Variants in MCMBP observed in about 807,000 individuals in gnomAD.
MCMBP encodes the protein minichromosome maintenance complex binding protein.
Under a neutral mutation model 81.3 loss-of-function variants are expected in MCMBP, and 31 were observed. The observed-to-expected ratio is 0.38, with a 90% CI of 0.29 to 0.51. The LOEUF (loss-of-function observed/expected upper bound fraction) is 0.51. Ranked by LOEUF, MCMBP falls within the 20% of genes least tolerant of loss-of-function variation. MCMBP has a pLI of 0.87. For missense variants in MCMBP, 645 were observed against 772.1 expected, an observed-to-expected ratio of 0.84 and a Z score of 1.95; for synonymous variants, 267 against 275.9, an observed-to-expected ratio of 0.97 and a Z score of 0.32.
intron 7 of MCMBP, among the ~76,000 whole-genome samples, chr10:119,848,455 T>C (rs1852696869): frequency 6.6e-6 from 1 of 151,696 alleles, no homozygotes; most frequent in African/African-American, 2.4e-5. Context: ...CTACAAAAAA[T>C]ATAAAGAACG....
In MCMBP at chr10:119,859,034, T is replaced by A. The variant is rs1853149836; in HGVS notation, c.285+7A>T. On this transcript the variant is annotated splice_region_variant and intron_variant, in intron 3 of 15. Coordinates refer to ENST00000369077, the MANE Select transcript of MCMBP (RefSeq NM_001256378.2). ...TACCACAAATTCATGAAAACAGCAA[T>A]ACTTACATGTGCTTTTGTGTTTTGG... 1 of 1,612,846 alleles carries A rather than the reference T, an allele frequency of 6.2e-7. No individual in the cohort carries two copies. The highest frequency in any genetic ancestry group is 1.7e-5 in the Admixed American group (1 of 59,768).
At chr10:119,842,425 C>A in intron 10 of MCMBP, 47 bp downstream of exon 10, 1 of 1,576,826 alleles carries the variant, frequency 6.3e-7, no homozygotes, top group Non-Finnish European at 8.6e-7. Context: ...TCTTCCACTT[C>A]CACACACACC....
At position 119,831,305 on chromosome 10, in the gene MCMBP, G is replaced by A; in HGVS notation, c.*169C>T. 1.8e-6 allele frequency: 1 copy of A among 564,090 alleles called. No individual in the cohort carries two copies. Among genetic ancestry groups the A allele is most frequent in the East Asian group, 3.4e-5 (1 of 29,026 alleles). The allele number at this position is 564,090 out of a possible 1,614,324, so 34.9% of individuals were successfully genotyped here. On this transcript the variant is annotated 3_prime_UTR_variant, in exon 16 of 16. Transcript: ENST00000369077. Reference sequence around the variant, plus strand: ...GCTCCATGAAATCAGTAAGGTAAAAGTCCTTACTGAATATCATATAAACAT... The same window carrying A: ...GCTCCATGAAATCAGTAAGGTAAAAATCCTTACTGAATATCATATAAACAT...
intron 11 of MCMBP, among the ~76,000 whole-genome samples, chr10:119,839,791 G>A (rs1293316950): frequency 1.3e-5 from 2 of 152,190 alleles, no homozygotes; most frequent in Non-Finnish European, 2.9e-5. Context: ...TTTTGGTCTA[G>A]TATCAAAGAC....
At chr10:119,848,932 G>C (rs1179005508) in intron 7 of MCMBP, among the ~76,000 whole-genome samples, 2 of 152,186 alleles carry the variant, frequency 1.3e-5, no homozygotes, top group East Asian at 1.9e-4. Context: ...GATGTTCTTC[G>C]ATTCTTTTAA....
intron 8 of MCMBP, among the ~76,000 whole-genome samples, chr10:119,847,127 C>G (rs965711781): frequency 6.6e-6 from 1 of 151,928 alleles, no homozygotes; most frequent in Non-Finnish European, 1.5e-5. Context: ...ACAAGCAGAA[C>G]GACACCTGTG....
At chr10:119,850,043 G>T (rs1179021596) in intron 6 of MCMBP, among the ~76,000 whole-genome samples, 3 of 152,142 alleles carry the variant, frequency 2.0e-5, no homozygotes, top group Non-Finnish European at 4.4e-5. Context: ...CAAACCAGTT[G>T]TTGGGGATAT....
intron 1 of MCMBP, among the ~76,000 whole-genome samples, chr10:119,867,774 G>A (rs140918093): frequency 8.3e-4 from 127 of 152,184 alleles, no homozygotes; most frequent in African/African-American, 3.0e-3. Context: ...CAGTCTCTTC[G>A]AATACCCAAC....
Position 119,836,883 on chromosome 10 carries a change from T to G in MCMBP, c.1542+13A>C, listed in dbSNP as rs939556807. On this transcript the variant is annotated intron_variant, in intron 13 of 15. Coordinates refer to ENST00000369077, the MANE Select transcript of MCMBP (RefSeq NM_001256378.2). Reference sequence around the variant, plus strand: ...ATGTCAACCTCCCTCCATTTAAAAATGACTCATCATACCGGGAGGAGTGAC... The same window carrying G: ...ATGTCAACCTCCCTCCATTTAAAAAGGACTCATCATACCGGGAGGAGTGAC... 1 of 1,560,660 alleles carries G rather than the reference T, an allele frequency of 6.4e-7. No homozygotes were observed. The highest frequency in any genetic ancestry group is 8.7e-7 in the Non-Finnish European group (1 of 1,147,732).
At chr10:119,859,287 C>T (rs1052460659) in intron 2 of MCMBP, 106 bp from the exon 3 acceptor site, 1 of 820,848 alleles carries the variant, frequency 1.2e-6, no homozygotes, top group East Asian at 2.7e-5. Flanking sequence ...CACACACACA[C>T]ACACACACAC....
intron 13 of MCMBP, among the ~76,000 whole-genome samples, chr10:119,836,424 C>T (rs191189052): frequency 3.8e-4 from 58 of 152,320 alleles, no homozygotes; most frequent in Non-Finnish European, 6.8e-4. Flanking sequence ...CCATCATCCA[C>T]AGAATTAAAA....
At chr10:119,841,132 G>GT (rs1459320200) in intron 10 of MCMBP, among the ~76,000 whole-genome samples, 172 bp from the exon 11 acceptor site, 5 of 152,302 alleles carry the variant, frequency 3.3e-5, no homozygotes, top group South Asian at 4.1e-4. Context: ...ATATTTGTAC[G>GT]TAAGTGCTGC....
chr10:119,870,113 T>A (rs36039261), intron 1 of MCMBP, among the ~76,000 whole-genome samples: 8,318 of 152,300 alleles, frequency 0.055, 423 homozygotes, highest in South Asian at 0.27. Context: ...ACAGGGTTAA[T>A]AAGTTTATAC....
In MCMBP at chr10:119,830,761, TAATACAG is replaced by T. The variant is rs1191499168; in HGVS notation, c.*706_*712del. ...TTTCCTTTTATGAAAAAAATGGTGA[TAATACAG>T]TGATTTATTCGGATTACTTGGCAAG... On this transcript the variant is annotated 3_prime_UTR_variant, in exon 16 of 16. Coordinates refer to ENST00000369077, the MANE Select transcript of MCMBP (RefSeq NM_001256378.2). The T allele has an allele frequency of 6.6e-6, 1 of 152,644 alleles. No individual in the cohort carries two copies. Among genetic ancestry groups the T allele is most frequent in the East Asian group, 1.9e-4 (1 of 5,198 alleles). 9.5% of individuals were successfully genotyped at this position (152,644 alleles called of 1,614,324 possible).
At chr10:119,842,616 TG>T in intron 9 of MCMBP, 21 bp from the exon 10 acceptor site, 1 of 1,608,890 alleles carries the variant, frequency 6.2e-7, no homozygotes, top group Non-Finnish European at 8.5e-7. Flanking sequence ...AAGGAAGACC[TG>T]AGTCAGGACA....
chr10:119,847,504 A>C, intron 8 of MCMBP, 109 bp downstream of exon 8: 1 of 568,324 alleles, frequency 1.8e-6, no homozygotes, highest in African/African-American at 1.9e-5. Flanking sequence ...CAACTGGTAC[A>C]TCTGGGAGAA....
In MCMBP at chr10:119,858,972, A is replaced by T. The variant is rs745798762; in HGVS notation, c.286-47T>A. On this transcript the variant is annotated intron_variant, in intron 3 of 15. Coordinates refer to ENST00000369077, the MANE Select transcript of MCMBP (RefSeq NM_001256378.2). ...AACAGAATTATATCAATATATCTGA[A>T]CCAAAACTACCACCAACAGTAAAAG... The T allele has an allele frequency of 8.1e-6, 13 of 1,610,098 alleles. No individual in the cohort carries two copies. The South Asian group carries it at 1.4e-4, about 18-fold the overall frequency.
intron 11 of MCMBP, among the ~76,000 whole-genome samples, chr10:119,840,201 T>G (rs536889290): frequency 6.6e-6 from 1 of 152,232 alleles, no homozygotes; most frequent in African/African-American, 2.4e-5. Flanking sequence ...CTAAGGAGAC[T>G]GAGAACTGCT....
chr10:119,866,105 A>C (rs1853440382), intron 1 of MCMBP, among the ~76,000 whole-genome samples: 1 of 152,008 alleles, frequency 6.6e-6, no homozygotes. Context: ...AAAAAAAAAA[A>C]AAGGAATGCA....
Sources: gnomAD v4.1 joint callset for allele counts (sites outside exome capture counted in the v4.1 genomes callset) on GRCh38, gnomAD v4.1.1 for gene constraint, MANE v1.5 for transcripts, NCBI Gene and HGNC (gene_info 2026-07-23, HGNC 2026-07-21) for gene names.